MAOB: variants seen among roughly 807,000 people sequenced by gnomAD.
MAOB encodes monoamine oxidase B, also known as amine oxidase [flavin-containing] B.
In MAOB, 15 loss-of-function variants were observed where a neutral mutation model predicts 41.9. The ratio of observed to expected loss-of-function variants is 0.36; its 90% CI spans 0.24 to 0.55. The LOEUF (loss-of-function observed/expected upper bound fraction) is 0.55, where lower values mean the gene tolerates loss of function less well. MAOB is among the 20% of genes least tolerant of loss of function. The pLI, the probability that MAOB is intolerant of heterozygous loss-of-function variation, is 0.86. For missense variants in MAOB, 345 were observed against 398.7 expected (o/e 0.87, Z 1.15); for synonymous variants, 167 against 144.2 (o/e 1.16, Z -1.13).
intron 1 of MAOB, among the ~76,000 whole-genome samples, chrX:43,861,009 A>C (rs1313117410): frequency 8.9e-6 from 1 of 111,998 alleles, no homozygotes; most frequent in Non-Finnish European, 1.9e-5. Flanking sequence ...ATCCTATTTT[A>C]CTTTTCATCG....
At chrX:43,850,244 C>T (rs2035241531) in intron 1 of MAOB, 2 of 529,100 alleles carry the variant, frequency 3.8e-6, no homozygotes, top group Non-Finnish European at 4.6e-6. Flanking sequence ...ATCCATGTTG[C>T]TAAAACAAAA....
chrX:43,844,620 A>G (rs767790330), intron 1 of MAOB: 1 of 112,441 alleles, frequency 8.9e-6, no homozygotes, highest in African/African-American at 3.2e-5. Context: ...TGTAGTGGGC[A>G]CCATCCAATC....
rs1232908450 is a variant in MAOB at position 43,793,484 on chromosome X, C to T, written c.863G>A (p.Arg288His). 4.2e-6 allele frequency: 5 copies of T among 1,203,209 alleles called. No individual in the cohort carries two copies. The highest frequency in any genetic ancestry group is 2.2e-5 in the Admixed American group (1 of 45,810). ...CTTGATGACTGAACCCAAAGGCACA[C>T]GAGTGATCATCTGGTTTCTCATCAT... Reference protein sequence around the residue: ...LPMMRNQMITRVPLGSVIKCI... With the variant: ...LPMMRNQMITHVPLGSVIKCI... Residue 288 changes from arginine (R) to histidine (H), a missense_variant, in exon 8 of 15, where the codon CGT becomes CAT. By Grantham distance (29) the Arg-to-His change is conservative. Coordinates refer to ENST00000378069, the MANE Select transcript of MAOB (RefSeq NM_000898.5).
chrX:43,855,337 A>T (rs1214762336), intron 1 of MAOB, among the ~76,000 whole-genome samples: 3 of 111,333 alleles, frequency 2.7e-5, no homozygotes. Flanking sequence ...TCCCATCCTA[A>T]CAGTGTATAG....
intron 9 of MAOB, among the ~76,000 whole-genome samples, chrX:43,781,218 A>G (rs919069366): frequency 3.6e-5 from 4 of 112,077 alleles, no homozygotes; most frequent in African/African-American, 1.3e-4. Flanking sequence ...GAAAACTAAC[A>G]TAAAAATTTT....
At chrX:43,863,981 T>A (rs1246855643) in intron 1 of MAOB, among the ~76,000 whole-genome samples, 1 of 111,615 alleles carries the variant, frequency 9.0e-6, no homozygotes, top group Non-Finnish European at 1.9e-5. Flanking sequence ...CACCAATACA[T>A]CTCTATTAGA....
At chrX:43,804,133 T>C (rs759602200) in intron 3 of MAOB, among the ~76,000 whole-genome samples, 1 of 111,178 alleles carries the variant, frequency 9.0e-6, no homozygotes, top group East Asian at 2.8e-4. Flanking sequence ...TTTGGGTCAA[T>C]CTGAAAACCC....
chrX:43,785,925 A>T (rs1457584588), intron 8 of MAOB, among the ~76,000 whole-genome samples: 1 of 112,265 alleles, frequency 8.9e-6, no homozygotes, highest in Non-Finnish European at 1.9e-5. Context: ...TGACAAACAT[A>T]ATAATAATGA....
At chrX:43,881,816 C>T (rs2035475194) in intron 1 of MAOB, among the ~76,000 whole-genome samples, 2 of 112,595 alleles carry the variant, frequency 1.8e-5, no homozygotes, top group African/African-American at 6.5e-5. Flanking sequence ...CCAACCTCTT[C>T]TGTTCAAGGT....
intron 1 of MAOB, among the ~76,000 whole-genome samples, chrX:43,879,878 A>G (rs2035462803): frequency 8.9e-6 from 1 of 111,979 alleles, no homozygotes. Context: ...GTTCTTTCAC[A>G]TATTTGTGGT....
intron 3 of MAOB, among the ~76,000 whole-genome samples, chrX:43,835,363 T>C (rs780589534): frequency 4.5e-5 from 5 of 112,335 alleles, no homozygotes; most frequent in Non-Finnish European, 9.4e-5. Flanking sequence ...TCTCAGTAGA[T>C]GTTTAACAAT....
chrX:43,859,173 G>C (rs1049455708), intron 1 of MAOB, among the ~76,000 whole-genome samples: 46 of 111,298 alleles, frequency 4.1e-4, no homozygotes, highest in Non-Finnish European at 5.7e-5. Flanking sequence ...GCCTGTGGCT[G>C]AGATCTAGTT....
chrX:43,849,246 G>A (rs2035232484), intron 1 of MAOB, among the ~76,000 whole-genome samples: 1 of 111,847 alleles, frequency 8.9e-6, no homozygotes, highest in Admixed American at 9.5e-5. Flanking sequence ...GCAGGCAGAT[G>A]TAGAAAATGA....
intron 3 of MAOB, among the ~76,000 whole-genome samples, chrX:43,810,923 C>A (rs1387894211): frequency 2.7e-5 from 3 of 111,841 alleles, no homozygotes; most frequent in Non-Finnish European, 5.6e-5. Context: ...CACTTCTTAC[C>A]CATAAATCCA....
At chrX:43,841,610 G>A (rs1288365089) in intron 2 of MAOB, among the ~76,000 whole-genome samples, 1 of 111,805 alleles carries the variant, frequency 8.9e-6, no homozygotes, top group Non-Finnish European at 1.9e-5. Flanking sequence ...AAACAATCTT[G>A]TACAAAAAGA....
At chrX:43,876,847 C>CGT (rs1013115414) in intron 1 of MAOB, among the ~76,000 whole-genome samples, 2 of 111,368 alleles carry the variant, frequency 1.8e-5, no homozygotes, top group Admixed American at 9.5e-5. Flanking sequence ...TGCATGCACG[C>CGT]GTGTGTGTGT....
chrX:43,810,567 A>T (rs1392552783), intron 3 of MAOB, among the ~76,000 whole-genome samples: 2 of 110,706 alleles, frequency 1.8e-5, no homozygotes, highest in Non-Finnish European at 3.8e-5. Flanking sequence ...ATTCTTAATA[A>T]TTTTTAAGAC....
At chrX:43,849,364 C>A (rs903927539) in intron 1 of MAOB, among the ~76,000 whole-genome samples, 5 of 112,383 alleles carry the variant, frequency 4.4e-5, no homozygotes, top group African/African-American at 6.5e-5. Flanking sequence ...ACGCCAGCAG[C>A]CTTCATCATA....
chrX:43,781,345 TA>T (rs200971609), intron 9 of MAOB, 102 bp downstream of exon 9: 1,263 of 351,573 alleles, frequency 3.6e-3, no homozygotes, highest in South Asian at 5.8e-3. Context: ...TACCACTGGG[TA>T]AAAAAAAAAT....
Sources: gnomAD v4.1 joint callset for allele counts (sites outside exome capture counted in the v4.1 genomes callset) on GRCh38, gnomAD v4.1.1 for gene constraint, MANE v1.5 for transcripts, NCBI Gene and HGNC (gene_info 2026-07-23, HGNC 2026-07-21) for gene names.